The following GPHN variants were observed in gnomAD, a reference collection of about 807,000 sequenced individuals.
GPHN encodes gephyrin.
A neutral mutation model predicts 95.5 loss-of-function variants in GPHN; 17 were observed. The observed-to-expected ratio is 0.18, with a 90% confidence interval of 0.12 to 0.27. GPHN has a LOEUF of 0.27. GPHN is among the 10% of genes least tolerant of loss of function. GPHN has a pLI of 1.00. For missense variants in GPHN, 660 were observed against 978.1 expected (o/e 0.67, Z 4.34); for synonymous variants, 320 against 322.5 (o/e 0.99, Z 0.08).
At chr14:67,373,216 A>G in the GPHN span, among the ~76,000 whole-genome samples, 8 of 152,300 alleles carry the variant, frequency 5.3e-5, no homozygotes, top group Admixed American at 2.0e-4. Context: ...TCCAGTTTTT[A>G]GTGGCTTCAG....
At chr14:66,676,697 T>A (rs1595506288) in intron 1 of GPHN, among the ~76,000 whole-genome samples, 1 of 148,662 alleles carries the variant, frequency 6.7e-6, no homozygotes, top group South Asian at 2.1e-4. Flanking sequence ...TTGATGTGCC[T>A]TTGGATTCAG....
At chr14:67,529,134 C>T in the GPHN span, among the ~76,000 whole-genome samples, 13 of 152,228 alleles carry the variant, frequency 8.5e-5, no homozygotes, top group South Asian at 2.5e-3. Flanking sequence ...CTGAGGCAGG[C>T]CCTTTATCTC....
At chr14:67,248,212 A>T in the GPHN span, among the ~76,000 whole-genome samples, 1 of 152,180 alleles carries the variant, frequency 6.6e-6, no homozygotes, top group Non-Finnish European at 1.5e-5. Context: ...TTTAAAAACT[A>T]ATATACATTA....
intron 2 of GPHN, among the ~76,000 whole-genome samples, chr14:66,700,756 C>G: frequency 6.6e-6 from 1 of 152,012 alleles, no homozygotes; most frequent in Non-Finnish European, 1.5e-5. Context: ...AACCCCGTCT[C>G]TACTAAAAAT....
chr14:67,164,974 C>CCAGAA, intron 19 of GPHN, among the ~76,000 whole-genome samples, 188 bp from the exon 20 acceptor site: 1 of 149,696 alleles, frequency 6.7e-6, no homozygotes, highest in Non-Finnish European at 1.5e-5. Flanking sequence ...TACTTGAAAA[C>CCAGAA]AGGAAATACT....
chr14:67,577,746 G>A, the GPHN span, among the ~76,000 whole-genome samples: 2 of 152,122 alleles, frequency 1.3e-5, no homozygotes, highest in African/African-American at 4.8e-5. Context: ...CTTTGTGAAT[G>A]TTTGAGTTTT....
chr14:67,063,207 G>C (rs1454853277), intron 11 of GPHN, among the ~76,000 whole-genome samples: 1 of 152,122 alleles, frequency 6.6e-6, no homozygotes, highest in African/African-American at 2.4e-5. Context: ...CCCATTTCTT[G>C]TTTTTGTCAG....
chr14:67,665,852 T>C, the GPHN span, among the ~76,000 whole-genome samples: 1 of 152,092 alleles, frequency 6.6e-6, no homozygotes, highest in Non-Finnish European at 1.5e-5. Context: ...TGGCTGTTTG[T>C]TGTTTAAAAA....
At chr14:66,584,191 T>C (rs1012300251) in intron 1 of GPHN, among the ~76,000 whole-genome samples, 2 of 152,170 alleles carry the variant, frequency 1.3e-5, no homozygotes, top group African/African-American at 4.8e-5. Context: ...TCTGTTTGTC[T>C]GTTATTGGTG....
chr14:66,956,151 T>C (rs143671003), intron 8 of GPHN, among the ~76,000 whole-genome samples: 2 of 152,318 alleles, frequency 1.3e-5, no homozygotes, highest in East Asian at 1.9e-4. Context: ...CTTTATTTTA[T>C]AGTTTCTTAG....
the GPHN span, among the ~76,000 whole-genome samples, chr14:67,234,248 AAT>A: frequency 6.6e-6 from 1 of 152,172 alleles, no homozygotes; most frequent in Non-Finnish European, 1.5e-5. Context: ...AGAGAAGTAA[AAT>A]ATTCAATTTT....
At chr14:66,809,844 G>A (rs1333171736) in intron 3 of GPHN, among the ~76,000 whole-genome samples, 1 of 152,034 alleles carries the variant, frequency 6.6e-6, no homozygotes, top group Non-Finnish European at 1.5e-5. Flanking sequence ...CTATCAAATA[G>A]CCAGGTTTTC....
intron 1 of GPHN, among the ~76,000 whole-genome samples, chr14:66,669,313 G>A (rs748942518): frequency 6.6e-5 from 10 of 150,402 alleles, no homozygotes; most frequent in South Asian, 2.1e-4. Context: ...GTGGTGAGCC[G>A]AGATCGTGCC....
chr14:66,894,216 C>T (rs975117030), intron 5 of GPHN, among the ~76,000 whole-genome samples: 4 of 152,122 alleles, frequency 2.6e-5, no homozygotes, highest in Admixed American at 1.3e-4. Flanking sequence ...CACACATCTA[C>T]CACTATCTGA....
chr14:66,663,756 C>G (rs2065790276), intron 1 of GPHN, among the ~76,000 whole-genome samples: 1 of 152,102 alleles, frequency 6.6e-6, no homozygotes, highest in African/African-American at 2.4e-5. Context: ...TGTGGAATGA[C>G]ACACATAGGC....
chr14:66,657,105 TAAG>T (rs1468498738), intron 1 of GPHN, among the ~76,000 whole-genome samples: 1 of 152,158 alleles, frequency 6.6e-6, no homozygotes, highest in Non-Finnish European at 1.5e-5. Flanking sequence ...ACATGAATGA[TAAG>T]AAAGTAAAAC....
chr14:66,558,044 CTCCTTTGAAAAG>C (rs1258678546), intron 1 of GPHN, among the ~76,000 whole-genome samples: 18 of 152,058 alleles, frequency 1.2e-4, no homozygotes, highest in African/African-American at 4.3e-4. Context: ...AGTTTAGTAG[CTCCTTTGAAAAG>C]TTACAAAAAC....
At chr14:67,729,398 G>A in the GPHN span, 1 of 1,595,770 alleles carries the variant, frequency 6.3e-7, no homozygotes, top group East Asian at 2.2e-5. Flanking sequence ...AAGGCAATGC[G>A]GTTCTCTCCA....
intron 1 of GPHN, among the ~76,000 whole-genome samples, chr14:66,653,649 G>T (rs1266679703): frequency 1.3e-5 from 2 of 152,070 alleles, no homozygotes; most frequent in Non-Finnish European, 2.9e-5. Flanking sequence ...CTATAATATT[G>T]TTAAATCAAG....
Sources: allele counts gnomAD v4.1 joint callset (sites outside exome capture counted in the v4.1 genomes callset), GRCh38; gene constraint gnomAD v4.1.1; transcripts MANE v1.5; gene names NCBI Gene and HGNC (gene_info 2026-07-23, HGNC 2026-07-21).